The following SLAIN2 variants were observed in gnomAD, a reference collection of about 807,000 sequenced individuals.
SLAIN2 encodes the protein SLAIN family member 2, also known as SLAIN motif-containing protein 2.
Under a neutral mutation model 56.6 loss-of-function variants are expected in SLAIN2, and 31 were observed. That is an observed-to-expected ratio of 0.55 (90% CI 0.41 to 0.74). The LOEUF (loss-of-function observed/expected upper bound fraction) is 0.74. Ranked by LOEUF, SLAIN2 falls within the 30% of genes least tolerant of loss-of-function variation. The pLI, the probability that SLAIN2 is intolerant of heterozygous loss-of-function variation, is 0.00. For missense variants in SLAIN2, 777 were observed against 754.2 expected (o/e 1.03, Z -0.35); for synonymous variants, 317 against 284.9 (o/e 1.11, Z -1.13).
chr4:48,374,693 G>A (rs1312787546), intron 2 of SLAIN2, among the ~76,000 whole-genome samples: 1 of 152,218 alleles, frequency 6.6e-6, no homozygotes, highest in Non-Finnish European at 1.5e-5. Flanking sequence ...AGGGGCAAGA[G>A]TGAATGTAGG....
intron 6 of SLAIN2, among the ~76,000 whole-genome samples, chr4:48,410,245 A>G (rs1009577197): frequency 2.1e-4 from 32 of 150,156 alleles, no homozygotes; most frequent in Non-Finnish European, 3.8e-4. Context: ...CTTTGGAGAA[A>G]TGTCTATTCA....
At chr4:48,362,403 C>CT (rs1287678904) in intron 1 of SLAIN2, among the ~76,000 whole-genome samples, 6 of 150,574 alleles carry the variant, frequency 4.0e-5, no homozygotes, top group African/African-American at 1.5e-4. Context: ...CTCTCTGTCT[C>CT]TGTCTCCCTT....
intron 4 of SLAIN2, among the ~76,000 whole-genome samples, chr4:48,382,170 A>C (rs1715987944): frequency 6.6e-6 from 1 of 152,074 alleles, no homozygotes; most frequent in African/African-American, 2.4e-5. Flanking sequence ...AGTTTTATTT[A>C]CTCACATACG....
chr4:48,399,908 T>C (rs1377528610), intron 6 of SLAIN2, among the ~76,000 whole-genome samples: 2 of 152,248 alleles, frequency 1.3e-5, no homozygotes, highest in South Asian at 2.1e-4. Context: ...AGTTTGCCAG[T>C]ATTATATTGA....
Position 48,420,113 on chromosome 4 carries a change from G to A in SLAIN2, c.1361-12G>A. On this transcript the variant is annotated splice_polypyrimidine_tract_variant and intron_variant, in intron 6 of 7. Transcript: ENST00000264313. ...TCCACTCAAAAATTGGTTTTTCTTT[G>A]CCATCCCACAGTACCTTCTCCAGGC... The A allele has an allele frequency of 6.2e-7, 1 of 1,610,412 alleles. No individual in the cohort carries two copies. Among genetic ancestry groups the A allele is most frequent in the Non-Finnish European group, 8.5e-7 (1 of 1,177,828 alleles).
intron 1 of SLAIN2, among the ~76,000 whole-genome samples, chr4:48,345,086 A>G (rs1714826462): frequency 6.6e-6 from 1 of 152,192 alleles, no homozygotes; most frequent in South Asian, 2.1e-4. Context: ...AAGAAAACTA[A>G]TCTCTCTCCA....
rs756354258 is a variant in SLAIN2 at position 48,383,703 on chromosome 4, T to C, written c.1279T>C (p.Ser427Pro). 6.2e-7 allele frequency: 1 copy of C among 1,610,690 alleles called. No individual in the cohort carries two copies. The highest frequency in any genetic ancestry group is 8.5e-7 in the Non-Finnish European group (1 of 1,177,942). Residue 427 changes from serine to proline, a missense_variant, in exon 6 of 8, where the codon TCA (serine) becomes CCA (proline). Ser to Pro is a moderately conservative substitution (Grantham distance 74). Coordinates refer to ENST00000264313, the MANE Select transcript of SLAIN2 (RefSeq NM_020846.2). ...LSRTSNTQVDSVKSSRSDSNF... is the reference protein window; with the variant it reads ...LSRTSNTQVDPVKSSRSDSNF... ...CCGAACATCTAATACACAAGTTGAC[T>C]CAGTGAAAAGCAGCAGAAGTGACTC...
At chr4:48,372,844 T>G (rs1350451197) in intron 2 of SLAIN2, among the ~76,000 whole-genome samples, 1 of 152,240 alleles carries the variant, frequency 6.6e-6, no homozygotes, top group Non-Finnish European at 1.5e-5. Flanking sequence ...CTTTTACAAG[T>G]TTGAACTTTG....
intron 1 of SLAIN2, 75 bp from the exon 2 acceptor site, chr4:48,369,774 G>T: frequency 1.4e-6 from 2 of 1,384,404 alleles, no homozygotes; most frequent in Non-Finnish European, 2.0e-6. Context: ...TATTTAAATC[G>T]ATCCAAAAGG....
intron 1 of SLAIN2, among the ~76,000 whole-genome samples, chr4:48,345,397 T>C (rs1162406549): frequency 6.6e-6 from 1 of 152,180 alleles, no homozygotes; most frequent in African/African-American, 2.4e-5. Context: ...CTTAATTAAC[T>C]CTAAGTTGCT....
At chr4:48,346,299 T>G (rs141122993) in intron 1 of SLAIN2, among the ~76,000 whole-genome samples, 290 of 152,342 alleles carry the variant, frequency 1.9e-3, no homozygotes, top group Non-Finnish European at 3.4e-3. Flanking sequence ...CCTGCCCGTG[T>G]TCACCATGAT....
At chr4:48,355,969 C>G (rs539160608) in intron 1 of SLAIN2, among the ~76,000 whole-genome samples, 5 of 151,974 alleles carry the variant, frequency 3.3e-5, no homozygotes, top group Non-Finnish European at 5.9e-5. Flanking sequence ...CCTTTGTTAT[C>G]AGTGTTTTGT....
rs527766886 is a variant in SLAIN2 at position 48,369,753 on chromosome 4, C to T, written c.390-96C>T. The T allele has an allele frequency of 3.8e-3, 4,104 of 1,089,760 alleles. 16 individuals are homozygous for T. The highest frequency in any genetic ancestry group is 5.1e-3 in the Non-Finnish European group (3,920 of 766,818). 67.5% of individuals were successfully genotyped at this position (1,089,760 alleles called of 1,614,324 possible). On this transcript the variant is annotated intron_variant, in intron 1 of 7. Coordinates refer to ENST00000264313, the MANE Select transcript of SLAIN2 (RefSeq NM_020846.2). Reference sequence around the variant, plus strand: ...TAAAATATACTCCATGACTTTTACTCCCTTCTCCCCTATTTAAATCGATCC... The same window carrying T: ...TAAAATATACTCCATGACTTTTACTTCCTTCTCCCCTATTTAAATCGATCC...
rs1352884493 is a variant in SLAIN2, at chr4:48,341,727, C to A, written c.-13C>A. ...GAGCGGGCGGCGGAGGCGGCGGCGG[C>A]GGCGGGGCCGGGATGGAGGACGTTA... On this transcript the variant is annotated 5_prime_UTR_variant, in exon 1 of 8. Coordinates refer to ENST00000264313, the MANE Select transcript of SLAIN2 (RefSeq NM_020846.2). 7.2e-6 allele frequency: 11 copies of A among 1,524,956 alleles called. No homozygotes were observed. The Admixed American group carries it at 2.3e-4, about 32-fold the overall frequency. 94.5% of individuals were successfully genotyped at this position (1,524,956 alleles called of 1,614,324 possible). A position where few individuals can be genotyped will look rare whatever the true frequency, so the allele number is the denominator to read the frequency against.
intron 7 of SLAIN2, among the ~76,000 whole-genome samples, chr4:48,420,810 A>G (rs1046917375): frequency 6.6e-6 from 1 of 152,186 alleles, no homozygotes; most frequent in Non-Finnish European, 1.5e-5. Context: ...ATTTAAGATA[A>G]AACTTCTAGC....
Position 48,383,702 on chromosome 4 carries a change from C to T in SLAIN2, c.1278C>T (p.Asp426=), listed in dbSNP as rs1716030353. The change falls in exon 6 of 8, where the codon GAC becomes GAT. Residue 426 remains aspartate (D), a synonymous_variant. Coordinates refer to ENST00000264313, the MANE Select transcript of SLAIN2 (RefSeq NM_020846.2). ...CCCGAACATCTAATACACAAGTTGA[C>T]TCAGTGAAAAGCAGCAGAAGTGACT... is the stretch of plus-strand genomic sequence containing the variant. ...NLSRTSNTQV[D]SVKSSRSDSN... 6.2e-7 allele frequency: 1 copy of T among 1,610,240 alleles called. No homozygotes were observed. The highest frequency in any genetic ancestry group is 1.7e-5 in the Admixed American group (1 of 59,712).
chr4:48,363,962 C>T (rs1187009084), intron 1 of SLAIN2, among the ~76,000 whole-genome samples: 6 of 132,518 alleles, frequency 4.5e-5, no homozygotes, highest in East Asian at 2.2e-4. Context: ...GGCGGCTGGC[C>T]GGGCAGGGGG....
At chr4:48,392,873 G>T (rs897142354) in intron 6 of SLAIN2, among the ~76,000 whole-genome samples, 6 of 148,304 alleles carry the variant, frequency 4.0e-5, no homozygotes, top group African/African-American at 1.5e-4. Flanking sequence ...TGAGAGTGGG[G>T]ACTGTAGCCA....
intron 4 of SLAIN2, among the ~76,000 whole-genome samples, chr4:48,380,478 G>A (rs1376211174): frequency 6.6e-6 from 1 of 152,114 alleles, no homozygotes; most frequent in African/African-American, 2.4e-5. Flanking sequence ...TAAATTAAAT[G>A]AAGCATGTGA....
Sources: allele counts gnomAD v4.1 joint callset (sites outside exome capture counted in the v4.1 genomes callset), GRCh38; gene constraint gnomAD v4.1.1; transcripts MANE v1.5; gene names NCBI Gene and HGNC (gene_info 2026-07-23, HGNC 2026-07-21).